The following ARFGAP1 variants were observed in gnomAD, a reference collection of about 807,000 sequenced individuals.
ARFGAP1 encodes the protein ADP-ribosylation factor GTPase-activating protein 1.
In ARFGAP1, 26 loss-of-function variants were observed where a neutral mutation model predicts 54.0. That is an observed-to-expected ratio of 0.48 (90% CI 0.35 to 0.67). The LOEUF (loss-of-function observed/expected upper bound fraction) is 0.67. Among genes scored for constraint, ARFGAP1 ranks in the 30% least tolerant of loss-of-function variants. ARFGAP1 has a pLI of 0.00. For synonymous variants in ARFGAP1, 248 were observed against 211.9 expected (o/e 1.17, Z -1.48); for missense variants, 525 against 535.8 (o/e 0.98, Z 0.20).
Position 63,285,139 on chromosome 20 carries a change from T to TGCCCCCAGCCCAGC in ARFGAP1, c.774+218_774+231dup, listed in dbSNP as rs1219846507. Among the ~76,000 whole-genome samples the TGCCCCCAGCCCAGC allele has an allele frequency of 3.3e-5, 5 of 151,864 alleles. No individual in the cohort carries two copies. In the East Asian group the frequency reaches 9.7e-4, roughly 29 times the overall value. On this transcript the variant is annotated intron_variant, in intron 10 of 12. Transcript: ENST00000370283. Reference sequence around the variant, plus strand: ...CCCTGGCCTAGGGCCTCCCTTGCAGTGCCCCCAGCCCAGCACCCCCAGCCC... The same window carrying TGCCCCCAGCCCAGC: ...CCCTGGCCTAGGGCCTCCCTTGCAGTGCCCCCAGCCCAGCGCCCCCAGCCCAGCACCCCCAGCCC...
In ARFGAP1 at chr20:63,287,894, C is replaced by G. The variant is rs1255035665; in HGVS notation, c.*21C>G. 8 of 1,488,968 alleles carry G rather than the reference C, an allele frequency of 5.4e-6. No individual in the cohort carries two copies. The highest frequency in any genetic ancestry group is 2.3e-5 in the Admixed American group (1 of 43,982). 92.2% of individuals were successfully genotyped at this position (1,488,968 alleles called of 1,614,324 possible). ...GGTAGGGCCCACTGCGCCCCCGTCCCCAGCGCCCCCGGGCGACTTCGTGTT... is the reference window on the plus strand; with the variant it reads ...GGTAGGGCCCACTGCGCCCCCGTCCGCAGCGCCCCCGGGCGACTTCGTGTT... On this transcript the variant is annotated 3_prime_UTR_variant, in exon 13 of 13. Transcript: ENST00000370283.
chr20:63,284,885 G>C lies in ARFGAP1; in HGVS notation c.737G>C (p.Ser246Thr). ...ASQKASELGH[S>T]LNENVLKPAQ... ...CTACAGGCGTCCGAGCTGGGCCACA[G>C]CCTGAACGAGAACGTCCTCAAGCCT... Residue 246 changes from serine to threonine, a missense_variant, in exon 10 of 13, where the codon AGC becomes ACC. Physicochemically the swap from Ser to Thr is moderately conservative, Grantham distance 58 (BLOSUM62 1). Transcript: ENST00000370283. 2 of 1,613,102 alleles carry C rather than the reference G, an allele frequency of 1.2e-6. No individual in the cohort carries two copies. The highest frequency in any genetic ancestry group is 1.7e-6 in the Non-Finnish European group (2 of 1,179,940).
chr20:63,276,610 G>T lies in ARFGAP1; in HGVS notation c.301G>T (p.Glu101Ter), dbSNP rs776146864. The change falls in exon 4 of 13, where the codon GAG becomes TAG. Residue 101 changes from glutamate (E) to a stop codon, truncating the protein, a stop_gained. Transcript: ENST00000370283. LOFTEE classifies it high-confidence loss of function. The surrounding 1 kb of genome is among the most constrained non-coding windows in gnomAD (Gnocchi z 5.2). ...EDYDPCWSLQ[E>*]KYNSRAAALF... ...TTACGATCCTTGCTGGTCCTTGCAG[G>T]AGAAGTACAACAGCAGAGCCGCGGC... is the stretch of plus-strand genomic sequence containing the variant. The T allele has an allele frequency of 6.2e-7, 1 of 1,613,788 alleles. No homozygotes were observed. Among genetic ancestry groups the T allele is most frequent in the Admixed American group, 1.7e-5 (1 of 59,994 alleles).
intron 4 of ARFGAP1, 61 bp from the exon 5 acceptor site, chr20:63,277,144 G>C: frequency 6.8e-7 from 1 of 1,472,976 alleles, no homozygotes; most frequent in Non-Finnish European, 9.3e-7. Flanking sequence ...TGGAGTCGAC[G>C]GTGCCCGAGG....
In ARFGAP1 at chr20:63,289,219, CG is replaced by C. The variant is rs1337869606; in HGVS notation, c.*1350del. The C allele has an allele frequency of 6.6e-6, 1 of 152,394 alleles. No homozygotes were observed. Among genetic ancestry groups the C allele is most frequent in the African/African-American group, 2.4e-5 (1 of 41,440 alleles). The allele number at this position is 152,394 out of a possible 1,614,324, so 9.4% of individuals were successfully genotyped here. ...CTGTAGTTGGACCTGAGGTCAGAGG[CG>C]GGGCATCAGAGGCTCAAGGTGCTGA... On this transcript the variant is annotated 3_prime_UTR_variant, in exon 13 of 13. Transcript: ENST00000370283.
Position 63,287,588 on chromosome 20 carries a change from G to T in ARFGAP1, c.936G>T (p.Gln312His), listed in dbSNP as rs1285101362. 1 of 1,603,912 alleles carries T rather than the reference G, an allele frequency of 6.2e-7. No individual in the cohort carries two copies. The highest frequency in any genetic ancestry group is 1.1e-5 in the South Asian group (1 of 90,766). Residue 312 changes from glutamine to histidine, a missense_variant, in exon 13 of 13, where the codon CAG (glutamine) becomes CAT (histidine). Coordinates refer to ENST00000370283, the MANE Select transcript of ARFGAP1 (RefSeq NM_018209.4). ...GCCCCTCGGAGGGCCACAGTTATCA[G>T]AACAGCGGTCTGGACCACTTCCAAA... Reference protein sequence around the residue: ...LDSPSEGHSYQNSGLDHFQNS... With the variant: ...LDSPSEGHSYHNSGLDHFQNS...
At chr20:63,286,330 A>G (rs2067544055) in intron 11 of ARFGAP1, 36 bp from the exon 12 acceptor site, 2 of 1,608,834 alleles carry the variant, frequency 1.2e-6, no homozygotes, top group African/African-American at 1.3e-5. Flanking sequence ...GTGCCGCGAC[A>G]GGGCCTGCCT....
rs111277388 is a variant in ARFGAP1 at position 63,284,109 on chromosome 20, G to T, written c.718-757G>T. ...GCGCAGTACCACTGCGCTCCCCCCG[G>T]GCAAAAAAATGAGACCCCCATCTCC... On this transcript the variant is annotated intron_variant, in intron 9 of 12. Transcript: ENST00000370283. The T allele has an allele frequency of 2.3e-5, 30 of 1,327,874 alleles. No homozygotes were observed. In the African/African-American group the frequency reaches 3.2e-4, roughly 14 times the overall value. The allele number at this position is 1,327,874 out of a possible 1,614,324, so 82.3% of individuals were successfully genotyped here.
rs2067509875 is a variant in ARFGAP1 at position 63,285,546 on chromosome 20, A to G, written c.775-108A>G. 5.9e-6 allele frequency: 7 copies of G among 1,177,798 alleles called. No individual in the cohort carries two copies. In the South Asian group the frequency reaches 7.7e-5, roughly 13 times the overall value. 73.0% of individuals were successfully genotyped at this position (1,177,798 alleles called of 1,614,324 possible). ...GGGGCTCAGCCTGATGGGTATCCAC[A>G]TGCCCCTGATATTTCGGATGCCCTC... is the stretch of plus-strand genomic sequence containing the variant. On this transcript the variant is annotated intron_variant, in intron 10 of 12. Coordinates refer to ENST00000370283, the MANE Select transcript of ARFGAP1 (RefSeq NM_018209.4).
rs759462873 is a variant in ARFGAP1 at position 63,276,638 on chromosome 20, T to A, written c.329T>A (p.Leu110His). 1 of 1,610,180 alleles carries A rather than the reference T, an allele frequency of 6.2e-7. No homozygotes were observed. Among genetic ancestry groups the A allele is most frequent in the Non-Finnish European group, 8.5e-7 (1 of 1,178,050 alleles). ...AAGTACAACAGCAGAGCCGCGGCCC[T>A]CTTTAGGGATAAGGTAGAGATGGGC... ...QEKYNSRAAA[L>H]FRDKVVALAE... Residue 110 changes from leucine (L) to histidine (H), a missense_variant, in exon 4 of 13, where the codon CTC (leucine) becomes CAC (histidine). This residue lies in a region of ARFGAP1 where 466 missense variants were observed against 453.6 expected (regional missense o/e 1.03). Transcript: ENST00000370283. The surrounding 1 kb of genome is among the most constrained non-coding windows in gnomAD (Gnocchi z 5.2).
intron 9 of ARFGAP1, chr20:63,284,531 C>T: frequency 1.7e-6 from 2 of 1,188,838 alleles, no homozygotes; most frequent in Non-Finnish European, 2.1e-6. Flanking sequence ...GGGGTGGCTG[C>T]AGCCGGCGTT....
intron 9 of ARFGAP1, chr20:63,284,649 T>C: frequency 7.2e-7 from 1 of 1,396,324 alleles, no homozygotes; most frequent in Middle Eastern, 1.9e-4. Context: ...CTGCAAGAAT[T>C]GGTGGGGGCC....
chr20:63,274,551 T>G (rs6011711), intron 1 of ARFGAP1, among the ~76,000 whole-genome samples: 66 of 152,148 alleles, frequency 4.3e-4, no homozygotes, highest in African/African-American at 1.5e-3. Flanking sequence ...GCGTGTTCTC[T>G]GTGTAGTGAG....
intron 9 of ARFGAP1, chr20:63,283,761 A>G: frequency 1.4e-6 from 2 of 1,455,074 alleles, no homozygotes; most frequent in Admixed American, 1.8e-5. Context: ...GTGTTGCGGC[A>G]CCCCATGGTG....
intron 8 of ARFGAP1, among the ~76,000 whole-genome samples, chr20:63,282,154 T>G (rs1400213890): frequency 6.6e-6 from 1 of 151,828 alleles, no homozygotes; most frequent in East Asian, 1.9e-4. Context: ...GTGTCTTCCC[T>G]GGGAGAGGAA....
In ARFGAP1 at chr20:63,288,924, G is replaced by T; in HGVS notation, c.*1051G>T. On this transcript the variant is annotated 3_prime_UTR_variant, in exon 13 of 13. Coordinates refer to ENST00000370283, the MANE Select transcript of ARFGAP1 (RefSeq NM_018209.4). ...GAGGTGCTCTCCTCCCTGCCACCAT[G>T]CTCATCACTCTGGCCTTGGCCATGC... 1 of 239,182 alleles carries T rather than the reference G, an allele frequency of 4.2e-6. No homozygotes were observed. Among genetic ancestry groups the T allele is most frequent in the Non-Finnish European group, 8.5e-6 (1 of 117,524 alleles). 14.8% of individuals were successfully genotyped at this position (239,182 alleles called of 1,614,324 possible). A position where few individuals can be genotyped will look rare whatever the true frequency, so the allele number is the denominator to read the frequency against.
intron 7 of ARFGAP1, chr20:63,279,237 C>T (rs1341336890): frequency 1.7e-5 from 10 of 586,268 alleles, no homozygotes; most frequent in South Asian, 3.1e-5. Context: ...CTTGCTTTGT[C>T]GCCCAGGCTG....
At chr20:63,278,786 G>C in intron 6 of ARFGAP1, 113 bp from the exon 7 acceptor site, 1 of 904,060 alleles carries the variant, frequency 1.1e-6, no homozygotes. Context: ...TGTGCGTGGG[G>C]ACGTTGGCAC....
intron 12 of ARFGAP1, chr20:63,286,739 A>G: frequency 8.9e-6 from 2 of 223,976 alleles, no homozygotes; most frequent in South Asian, 5.1e-5. Flanking sequence ...ACCCTGCAGG[A>G]GCTGGGCTCC....
Sources: allele counts gnomAD v4.1 joint callset (sites outside exome capture counted in the v4.1 genomes callset), GRCh38; gene constraint gnomAD v4.1.1; regional missense constraint gnomAD v4.1.1; non-coding constraint Gnocchi (gnomAD v3.1); transcripts MANE v1.5; gene names NCBI Gene and HGNC (gene_info 2026-07-23, HGNC 2026-07-21).